Variants in STAU2 observed in about 807,000 individuals in gnomAD.
The protein encoded by STAU2 is double-stranded RNA-binding protein Staufen homolog 2.
STAU2 carries 20 observed loss-of-function variants against 65.9 expected under a neutral mutation model. The ratio of observed to expected loss-of-function variants is 0.30; its 90% confidence interval spans 0.21 to 0.44. The LOEUF is 0.44. Among genes scored for constraint, STAU2 ranks in the 20% least tolerant of loss-of-function variants. The probability of loss-of-function intolerance (pLI) is 1.00; values close to 1 mark genes in which losing one functional copy is unlikely to be tolerated. For synonymous variants in STAU2, 232 were observed against 233.9 expected (o/e 0.99, Z 0.07); for missense variants, 558 against 683.9 (o/e 0.82, Z 2.05).
intron 6 of STAU2, among the ~76,000 whole-genome samples, chr8:73,654,887 G>A (rs978028909): frequency 8.6e-5 from 13 of 151,650 alleles, no homozygotes; most frequent in Admixed American, 5.3e-4. Flanking sequence ...GGGTTTCACC[G>A]TGTTAGCCAG....
chr8:73,598,226 CTTT>C (rs138249622), intron 10 of STAU2, among the ~76,000 whole-genome samples: 11 of 129,326 alleles, frequency 8.5e-5, no homozygotes, highest in Non-Finnish European at 9.8e-5. Context: ...AAGAAGAAAA[CTTT>C]TTTTTTTTTT....
intron 6 of STAU2, among the ~76,000 whole-genome samples, chr8:73,651,801 C>T (rs1056947632): frequency 1.3e-5 from 2 of 152,244 alleles, no homozygotes; most frequent in African/African-American, 4.8e-5. Flanking sequence ...GAGGAAATGC[C>T]TCTGACTCCA....
chr8:73,481,942 C>T (rs1820655207), intron 13 of STAU2, among the ~76,000 whole-genome samples: 1 of 152,164 alleles, frequency 6.6e-6, no homozygotes, highest in Non-Finnish European at 1.5e-5. Context: ...AGTTTCCCTA[C>T]TGTGAAGTTA....
chr8:73,516,684 G>C (rs921349795), intron 13 of STAU2, among the ~76,000 whole-genome samples: 1 of 152,150 alleles, frequency 6.6e-6, no homozygotes, highest in Non-Finnish European at 1.5e-5. Context: ...ATTGCTAAGG[G>C]AGAGAAGGTT....
chr8:73,671,205 C>T (rs1011919915), intron 6 of STAU2, among the ~76,000 whole-genome samples: 1 of 151,930 alleles, frequency 6.6e-6, no homozygotes, highest in African/African-American at 2.4e-5. Context: ...CTGAGAGAGG[C>T]GGATAACTTG....
intron 3 of STAU2, among the ~76,000 whole-genome samples, chr8:73,718,815 T>C (rs1050915424): frequency 5.3e-5 from 8 of 152,208 alleles, no homozygotes; most frequent in Admixed American, 1.3e-4. Context: ...ATGCTACTCT[T>C]TTATTTTCAT....
At chr8:73,681,451 G>C (rs923426641) in intron 5 of STAU2, among the ~76,000 whole-genome samples, 1 of 152,058 alleles carries the variant, frequency 6.6e-6, no homozygotes, top group Non-Finnish European at 1.5e-5. Context: ...CAGCACTAAA[G>C]AAGTAATAAA....
chr8:73,433,291 G>A (rs186881750), intron 13 of STAU2, among the ~76,000 whole-genome samples: 3,556 of 150,440 alleles, frequency 0.024, 211 homozygotes, highest in African/African-American at 0.085. Context: ...TGGAACCTCC[G>A]CCTCCCGGGT....
chr8:73,501,158 ACTT>A (rs1821729586), intron 13 of STAU2, among the ~76,000 whole-genome samples: 1 of 151,966 alleles, frequency 6.6e-6, no homozygotes, highest in South Asian at 2.1e-4. Context: ...ATAAGAAAAT[ACTT>A]CTTTTGTGCA....
At chr8:73,557,707 T>C (rs1368772346) in intron 12 of STAU2, among the ~76,000 whole-genome samples, 1 of 152,256 alleles carries the variant, frequency 6.6e-6, no homozygotes, top group African/African-American at 2.4e-5. Flanking sequence ...TTTAGGTCTG[T>C]GCCTTCTTTG....
intron 13 of STAU2, among the ~76,000 whole-genome samples, chr8:73,455,634 A>AT (rs1819022903): frequency 6.6e-6 from 1 of 152,124 alleles, no homozygotes. Flanking sequence ...CCCTATCCTT[A>AT]AAAGGCCCTA....
At chr8:73,450,533 T>G (rs1284285960) in intron 13 of STAU2, among the ~76,000 whole-genome samples, 1 of 152,178 alleles carries the variant, frequency 6.6e-6, no homozygotes, top group Non-Finnish European at 1.5e-5. Flanking sequence ...TTCAGAAAAG[T>G]TCAACTGCTC....
intron 12 of STAU2, among the ~76,000 whole-genome samples, chr8:73,555,479 C>T (rs1189252243): frequency 1.3e-5 from 2 of 152,060 alleles, no homozygotes; most frequent in East Asian, 1.9e-4. Flanking sequence ...GACAGTCCTC[C>T]GCATGCATGA....
At chr8:73,554,412 C>G (rs1173714906) in intron 12 of STAU2, among the ~76,000 whole-genome samples, 5 of 152,212 alleles carry the variant, frequency 3.3e-5, no homozygotes, top group African/African-American at 1.2e-4. Flanking sequence ...ACTGGCCAGA[C>G]AGAAGCCAGT....
intron 6 of STAU2, among the ~76,000 whole-genome samples, chr8:73,620,901 C>T (rs185250679): frequency 6.6e-6 from 1 of 152,300 alleles, no homozygotes; most frequent in East Asian, 1.9e-4. Flanking sequence ...AGAGCACTCT[C>T]ATTAATTGCA....
rs1820686928 is a variant in STAU2 at position 73,708,708 on chromosome 8, T to C, written c.114+324A>G. 3.3e-5 allele frequency among the ~76,000 whole-genome samples: 5 copies of C among 152,152 alleles called. No individual in the cohort carries two copies. The South Asian group carries it at 1.0e-3, about 31-fold the overall frequency. ...AGCCAAAGAAAATATATTCAAGTAC[T>C]GGCACTGGCACTTATGAACTATTAA... On this transcript the variant is annotated intron_variant, in intron 4 of 14. Transcript: ENST00000524300.
intron 13 of STAU2, chr8:73,551,098 C>A (rs1807305011): frequency 1.0e-6 from 1 of 987,348 alleles, no homozygotes; most frequent in African/African-American, 1.7e-5. Context: ...CAAACTAGTT[C>A]ATCCAGTCAA....
intron 13 of STAU2, chr8:73,550,747 G>C (rs1807274948): frequency 1.0e-6 from 1 of 987,358 alleles, no homozygotes; most frequent in South Asian, 4.7e-5. Flanking sequence ...TCAGATGACA[G>C]AGCCGATAAC....
At chr8:73,731,548 G>C (rs1456586864) in intron 3 of STAU2, among the ~76,000 whole-genome samples, 1 of 152,076 alleles carries the variant, frequency 6.6e-6, no homozygotes, top group East Asian at 1.9e-4. Flanking sequence ...ATGTCTAAAA[G>C]CTATTGTTTA....
Sources: allele counts gnomAD v4.1 joint callset (sites outside exome capture counted in the v4.1 genomes callset), GRCh38; gene constraint gnomAD v4.1.1; transcripts MANE v1.5; gene names NCBI Gene and HGNC (gene_info 2026-07-23, HGNC 2026-07-21).